Variants in NPTN observed in about 807,000 individuals in gnomAD.
The protein encoded by NPTN is SDR-1.
A neutral mutation model predicts 42.7 loss-of-function variants in NPTN; 5 were observed. The ratio of observed to expected loss-of-function variants is 0.12; its 90% confidence interval spans 0.06 to 0.25. The LOEUF is 0.25. NPTN is among the 10% of genes least tolerant of loss of function. The pLI, the probability that NPTN is intolerant of heterozygous loss-of-function variation, is 1.00. For missense variants in NPTN, 307 were observed against 525.4 expected (o/e 0.58, Z 4.06); for synonymous variants, 180 against 201.9 (o/e 0.89, Z 0.92).
chr15:73,583,021 A>G (rs1039221591), intron 4 of NPTN, among the ~76,000 whole-genome samples: 2 of 152,152 alleles, frequency 1.3e-5, no homozygotes, highest in Non-Finnish European at 2.9e-5. Flanking sequence ...AAACCCCCAT[A>G]TATGTATCTC....
At chr15:73,564,873 G>C (rs898242273) in intron 6 of NPTN, among the ~76,000 whole-genome samples, 8 of 152,200 alleles carry the variant, frequency 5.3e-5, no homozygotes, top group African/African-American at 1.9e-4. Context: ...ATGCAAGAGA[G>C]CCGAATCAAG....
At chr15:73,581,363 C>T (rs1294661340) in intron 4 of NPTN, among the ~76,000 whole-genome samples, 1 of 152,108 alleles carries the variant, frequency 6.6e-6, no homozygotes, top group African/African-American at 2.4e-5. Context: ...TCTCTTTACC[C>T]TCTTAGGGGG....
At chr15:73,589,057 C>T (rs1351211269) in intron 3 of NPTN, among the ~76,000 whole-genome samples, 1 of 152,068 alleles carries the variant, frequency 6.6e-6, no homozygotes, top group South Asian at 2.1e-4. Flanking sequence ...ATGGGTCAGG[C>T]GTGGTGGCTC....
chr15:73,610,401 T>C (rs567597438), intron 1 of NPTN, among the ~76,000 whole-genome samples: 3 of 152,348 alleles, frequency 2.0e-5, no homozygotes, highest in African/African-American at 7.2e-5. Flanking sequence ...GGCCTACTTT[T>C]TACTTCTATG....
At chr15:73,601,302 T>C (rs1897074840) in intron 1 of NPTN, among the ~76,000 whole-genome samples, 1 of 148,644 alleles carries the variant, frequency 6.7e-6, no homozygotes, top group East Asian at 2.0e-4. Context: ...TGAAAAGAGA[T>C]CTATTCCCCC....
At chr15:73,618,467 A>T (rs919682394) in intron 1 of NPTN, among the ~76,000 whole-genome samples, 46 of 152,354 alleles carry the variant, frequency 3.0e-4, no homozygotes, top group African/African-American at 1.1e-3. Flanking sequence ...GAATTTAAAA[A>T]TTTTAAGTGG....
In NPTN at chr15:73,570,850, G is replaced by GT. The variant is rs1895334805; in HGVS notation, c.841-428dup. Among the ~76,000 whole-genome samples the GT allele has an allele frequency of 6.6e-6, 1 of 152,202 alleles. No individual in the cohort carries two copies. Among genetic ancestry groups the GT allele is most frequent in the South Asian group, 2.1e-4 (1 of 4,820 alleles). On this transcript the variant is annotated intron_variant, in intron 5 of 8. Coordinates refer to ENST00000345330, the MANE Select transcript of NPTN (RefSeq NM_012428.4). The surrounding 1 kb of genome is among the most constrained non-coding windows in gnomAD (Gnocchi z 4.0). Reference sequence around the variant, plus strand: ...AGTCAGCACACTGACTTCACACTTGGTGAGTTCTGAGGAAGTCTCCTTAAA... The same window carrying GT: ...AGTCAGCACACTGACTTCACACTTGGTTGAGTTCTGAGGAAGTCTCCTTAAA...
intron 2 of NPTN, among the ~76,000 whole-genome samples, chr15:73,595,786 G>A (rs1450516401): frequency 2.0e-5 from 3 of 152,162 alleles, no homozygotes; most frequent in African/African-American, 4.8e-5. Context: ...TTCTTGGCCA[G>A]GAACGTTGGT....
intron 1 of NPTN, among the ~76,000 whole-genome samples, chr15:73,603,663 C>T (rs1897166619): frequency 1.3e-5 from 2 of 152,106 alleles, no homozygotes; most frequent in African/African-American, 4.8e-5. Context: ...ACAAATTCTC[C>T]TTTTCAAAAA....
chr15:73,602,171 C>G (rs984261723), intron 1 of NPTN, among the ~76,000 whole-genome samples: 3 of 9,652 alleles, frequency 3.1e-4, no homozygotes, highest in African/African-American at 3.3e-4. Flanking sequence ...ACATTTACCT[C>G]CAGGGCAACC....
In NPTN at chr15:73,570,024, A is replaced by G. The variant is rs774869308; in HGVS notation, c.1114+126T>C. The G allele has an allele frequency of 2.3e-6, 2 of 877,240 alleles. No homozygotes were observed. The highest frequency in any genetic ancestry group is 1.7e-5 in the African/African-American group (1 of 58,378). The allele number at this position is 877,240 out of a possible 1,614,324, so 54.3% of individuals were successfully genotyped here. On this transcript the variant is annotated intron_variant, in intron 6 of 8. Coordinates refer to ENST00000345330, the MANE Select transcript of NPTN (RefSeq NM_012428.4). This position sits in a 1 kb window ranked among gnomAD's most constrained non-coding sequence, Gnocchi z 4.0. The stretch of plus-strand genomic sequence containing the variant: ...TACGGGTAGGGGGTTAGGAACTGGT[A>G]TAAGAATTTTCCTTCTTTCCTTTAG...
intron 1 of NPTN, among the ~76,000 whole-genome samples, chr15:73,623,717 A>G (rs1460051218): frequency 6.6e-6 from 1 of 152,158 alleles, no homozygotes; most frequent in African/African-American, 2.4e-5. Context: ...AAAACACACT[A>G]ACTTTTGAAA....
At chr15:73,567,052 G>A in intron 6 of NPTN, 1 of 914,330 alleles carries the variant, frequency 1.1e-6, no homozygotes, top group South Asian at 5.1e-5. Flanking sequence ...TCAATCCTAA[G>A]CATTTTCAAT....
chr15:73,574,783 C>T (rs965252726), intron 4 of NPTN, among the ~76,000 whole-genome samples: 5 of 152,086 alleles, frequency 3.3e-5, no homozygotes, highest in Non-Finnish European at 7.4e-5. Flanking sequence ...CTAGACTGAA[C>T]CCAATATAGA....
chr15:73,626,044 G>A (rs984836274), intron 1 of NPTN, among the ~76,000 whole-genome samples: 42 of 152,196 alleles, frequency 2.8e-4, no homozygotes, highest in African/African-American at 9.9e-4. Flanking sequence ...TATAATGGAC[G>A]GATTTCCAGG....
At chr15:73,572,088 C>T (rs565039633) in intron 5 of NPTN, among the ~76,000 whole-genome samples, 6 of 152,262 alleles carry the variant, frequency 3.9e-5, no homozygotes, top group African/African-American at 7.2e-5. Context: ...TCCTCGTTAA[C>T]GGGTCTCTGA....
chr15:73,561,815 CTGAAGAATT>C, intron 8 of NPTN, 72 bp downstream of exon 8: 1 of 1,025,624 alleles, frequency 9.8e-7, no homozygotes, highest in Non-Finnish European at 1.5e-6. Context: ...ACACCAATTA[CTGAAGAATT>C]TGTAACAAGG....
At chr15:73,624,340 T>A (rs1898289781) in intron 1 of NPTN, among the ~76,000 whole-genome samples, 1 of 152,214 alleles carries the variant, frequency 6.6e-6, no homozygotes, top group African/African-American at 2.4e-5. Context: ...CTGGTTTGCA[T>A]TAAGGCCATT....
intron 4 of NPTN, among the ~76,000 whole-genome samples, chr15:73,581,829 T>C (rs867211488): frequency 1.3e-5 from 2 of 152,086 alleles, no homozygotes; most frequent in Non-Finnish European, 2.9e-5. Context: ...ACTGCTTATA[T>C]GGTGCTCTTT....
Sources: gnomAD v4.1 joint callset for allele counts (sites outside exome capture counted in the v4.1 genomes callset) on GRCh38, gnomAD v4.1.1 for gene constraint, Gnocchi (gnomAD v3.1) non-coding constraint, MANE v1.5 for transcripts, NCBI Gene and HGNC (gene_info 2026-07-23, HGNC 2026-07-21) for gene names.